Variants in IFNLR1 observed in about 807,000 individuals in gnomAD.
IFNLR1 encodes the protein CRF2-12.
Under a neutral mutation model 52.5 loss-of-function variants are expected in IFNLR1, and 28 were observed. The observed-to-expected ratio is 0.53, with a 90% CI of 0.40 to 0.73. The LOEUF is 0.73. Ranked by LOEUF, IFNLR1 falls within the 30% of genes least tolerant of loss-of-function variation. The pLI is 0.00. For synonymous variants in IFNLR1, 276 were observed against 274.9 expected, an observed-to-expected ratio of 1.00 and a Z score of -0.04; for missense variants, 623 against 659.1, an observed-to-expected ratio of 0.95 and a Z score of 0.60.
rs368777970 is a variant in IFNLR1 at position 24,161,584 on chromosome 1, C to T, written c.468G>A (p.Leu156=). The T allele has an allele frequency of 1.5e-5, 23 of 1,555,814 alleles. No homozygotes were observed. The African/African-American group carries it at 3.1e-4, about 21-fold the overall frequency. ...QLPPCMPPLD[L]KYEVAFWKEG... is the part of the protein sequence containing the mutation. Reference sequence around the variant, plus strand: ...CCTTCCAGAATGCCACCTCATACTTCAGATCCAGTGGGGGCATGCAGGGGG... The same window carrying T: ...CCTTCCAGAATGCCACCTCATACTTTAGATCCAGTGGGGGCATGCAGGGGG... The change falls in exon 4 of 7, where the codon CTG becomes CTA. Residue 156 remains leucine (L), a synonymous_variant. Coordinates refer to ENST00000327535, the MANE Select transcript of IFNLR1 (RefSeq NM_170743.4).
In IFNLR1 at chr1:24,157,754, G is replaced by C; in HGVS notation, c.939C>G (p.Thr313=). 6.2e-7 allele frequency: 1 copy of C among 1,614,150 alleles called. No homozygotes were observed. The part of the protein sequence containing the change: ...RPTPRVRAPA[T]QQTRWKKDLA... ...GGTCCTTCTTCCATCTTGTCTGTTG[G>C]GTGGCTGGGGCCCTGACTCGAGGCG... Residue 313 remains threonine (T), a synonymous_variant, in exon 7 of 7, where the codon ACC becomes ACG. Transcript: ENST00000327535. This position sits in a 1 kb window ranked among gnomAD's most constrained non-coding sequence, Gnocchi z 5.1.
rs776235347 is a variant in IFNLR1 at position 24,155,676 on chromosome 1, G to A, written c.*1454C>T. Reference sequence around the variant, plus strand: ...TTTTCCAGTTCTGCCATTTAATGCTGTACCCTTGTGGTGGCTTTAAAGCAA... The same window carrying A: ...TTTTCCAGTTCTGCCATTTAATGCTATACCCTTGTGGTGGCTTTAAAGCAA... On this transcript the variant is annotated 3_prime_UTR_variant, in exon 7 of 7. Coordinates refer to ENST00000327535, the MANE Select transcript of IFNLR1 (RefSeq NM_170743.4). 1 of 152,214 alleles carries A rather than the reference G, an allele frequency of 6.6e-6. No homozygotes were observed. Among genetic ancestry groups the A allele is most frequent in the African/African-American group, 2.4e-5 (1 of 41,446 alleles). The allele number at this position is 152,214 out of a possible 1,614,324, so 9.4% of individuals were successfully genotyped here.
rs1402374027 is a variant in IFNLR1 at position 24,156,361 on chromosome 1, A to T, written c.*769T>A. ...GAGAATTCTACCGGCCACCACGTAG[A>T]GAGCACCCAGGACACAGCAGGCTCC... On this transcript the variant is annotated 3_prime_UTR_variant, in exon 7 of 7. Coordinates refer to ENST00000327535, the MANE Select transcript of IFNLR1 (RefSeq NM_170743.4). 1 of 152,414 alleles carries T rather than the reference A, an allele frequency of 6.6e-6. No individual in the cohort carries two copies. 9.4% of individuals were successfully genotyped at this position (152,414 alleles called of 1,614,324 possible). A position where few individuals can be genotyped will look rare whatever the true frequency, so the allele number is the denominator to read the frequency against.
chr1:24,161,425 T>C (rs1644441577), intron 4 of IFNLR1, 117 bp downstream of exon 4: 2 of 1,183,696 alleles, frequency 1.7e-6, no homozygotes, highest in East Asian at 5.1e-5. Flanking sequence ...GTCAGGAGTG[T>C]ACAGGGAAGA....
rs869032994 is a variant in IFNLR1, at chr1:24,162,724, T to TTTTC, written c.368-1044_368-1041dup. On this transcript the variant is annotated intron_variant, in intron 3 of 6. Transcript: ENST00000327535. The stretch of plus-strand genomic sequence containing the variant: ...TTCTTTTCTTTTCTTTCTTTCTTTC[T>TTTTC]TTTCTTTCTTTCTTTCTTTCTTTCT... 3.0e-3 allele frequency among the ~76,000 whole-genome samples: 97 copies of TTTTC among 32,490 alleles called. 3 individuals are homozygous for TTTTC. Among genetic ancestry groups the TTTTC allele is most frequent in the Middle Eastern group, 0.024 (2 of 82 alleles). The allele number at this position is 32,490 out of a possible 152,430, so 21.3% of individuals were successfully genotyped here.
chr1:24,158,024 C>A, intron 6 of IFNLR1, 133 bp from the exon 7 acceptor site: 1 of 796,802 alleles, frequency 1.3e-6, no homozygotes. Context: ...GAGATGATCC[C>A]AGAACACACC....
At chr1:24,181,164 T>C (rs1229463855) in intron 1 of IFNLR1, among the ~76,000 whole-genome samples, 2 of 152,056 alleles carry the variant, frequency 1.3e-5, no homozygotes, top group East Asian at 3.9e-4. Flanking sequence ...CTCAGCCACA[T>C]CCCCAGAGCC....
rs781743973 is a variant in IFNLR1 at position 24,157,101 on chromosome 1, T to G, written c.*29A>C. On this transcript the variant is annotated 3_prime_UTR_variant, in exon 7 of 7. Coordinates refer to ENST00000327535, the MANE Select transcript of IFNLR1 (RefSeq NM_170743.4). This position sits in a 1 kb window ranked among gnomAD's most constrained non-coding sequence, Gnocchi z 5.1. Reference sequence around the variant, plus strand: ...AGTCCTTGCAAAGGCAGCAGCAGCATCAGATTCGGTGGGATGTCGGGGGAC... The same window carrying G: ...AGTCCTTGCAAAGGCAGCAGCAGCAGCAGATTCGGTGGGATGTCGGGGGAC... The G allele has an allele frequency of 1.1e-5, 17 of 1,576,170 alleles. No individual in the cohort carries two copies. Among genetic ancestry groups the G allele is most frequent in the Middle Eastern group, 4.6e-4 (2 of 4,362 alleles).
intron 3 of IFNLR1, among the ~76,000 whole-genome samples, chr1:24,164,760 T>C (rs943610279): frequency 4.3e-5 from 3 of 70,140 alleles, no homozygotes; most frequent in African/African-American, 1.9e-4. Flanking sequence ...GAGCAATCTC[T>C]TTTTTTTTTT....
chr1:24,186,391 G>C (rs11249021), intron 1 of IFNLR1, among the ~76,000 whole-genome samples: 1 of 151,852 alleles, frequency 6.6e-6, no homozygotes, highest in African/African-American at 2.4e-5. Context: ...ATCTACCTCC[G>C]AGGATGGCTG....
intron 1 of IFNLR1, among the ~76,000 whole-genome samples, chr1:24,184,579 T>C (rs757144624): frequency 6.6e-6 from 1 of 152,222 alleles, no homozygotes; most frequent in African/African-American, 2.4e-5. Context: ...TGCATTCTTC[T>C]GGATGTTTTT....
chr1:24,157,794 C>G lies in IFNLR1; in HGVS notation c.899G>C (p.Arg300Thr). ...LFLCPQKELT[R>T]GVRPTPRVRA... Reference sequence around the variant, plus strand: ...GACTCGAGGCGTCGGCCTGACCCCTCTGGTCAGTTCCTTTTGGGGACAGAG... The same window carrying G: ...GACTCGAGGCGTCGGCCTGACCCCTGTGGTCAGTTCCTTTTGGGGACAGAG... Residue 300 changes from arginine to threonine, a missense_variant, in exon 7 of 7, where the codon AGA becomes ACA. Coordinates refer to ENST00000327535, the MANE Select transcript of IFNLR1 (RefSeq NM_170743.4). This position sits in a 1 kb window ranked among gnomAD's most constrained non-coding sequence, Gnocchi z 5.1. The G allele has an allele frequency of 6.2e-7, 1 of 1,614,180 alleles. No homozygotes were observed. The highest frequency in any genetic ancestry group is 1.3e-5 in the African/African-American group (1 of 75,050).
chr1:24,185,851 A>G (rs1209145797), intron 1 of IFNLR1, among the ~76,000 whole-genome samples: 1 of 152,120 alleles, frequency 6.6e-6, no homozygotes, highest in African/African-American at 2.4e-5. Context: ...GTAAAACCTC[A>G]ATCACCCTTG....
intron 1 of IFNLR1, among the ~76,000 whole-genome samples, chr1:24,182,929 A>G (rs1424113410): frequency 6.6e-6 from 1 of 151,566 alleles, no homozygotes; most frequent in African/African-American, 2.4e-5. Flanking sequence ...AAATAAATAA[A>G]TAAATAAATA....
chr1:24,184,394 C>A (rs1038334488), intron 1 of IFNLR1, among the ~76,000 whole-genome samples: 1 of 152,190 alleles, frequency 6.6e-6, no homozygotes, highest in Non-Finnish European at 1.5e-5. Context: ...CACCACTCCC[C>A]AGTTTCATGC....
chr1:24,158,257 A>G (rs1538632), intron 6 of IFNLR1, among the ~76,000 whole-genome samples: 38,431 of 152,184 alleles, frequency 0.25, 5,134 homozygotes, highest in East Asian at 0.51. Flanking sequence ...TGCAGGGGCA[A>G]TGTGGGCTCC....
At chr1:24,160,826 C>T (rs997071664) in intron 4 of IFNLR1, among the ~76,000 whole-genome samples, 2 of 151,792 alleles carry the variant, frequency 1.3e-5, no homozygotes, top group African/African-American at 4.8e-5. Flanking sequence ...TTCCTGGGCT[C>T]GAGCGATCCT....
chr1:24,186,693 C>A (rs1274419226), intron 1 of IFNLR1, among the ~76,000 whole-genome samples: 5 of 149,154 alleles, frequency 3.4e-5, no homozygotes, highest in Admixed American at 6.6e-5. Flanking sequence ...AACAACAAAA[C>A]AACAACAAAA....
At chr1:24,183,112 C>G (rs1002288901) in intron 1 of IFNLR1, among the ~76,000 whole-genome samples, 2 of 152,048 alleles carry the variant, frequency 1.3e-5, no homozygotes, top group Non-Finnish European at 2.9e-5. Context: ...TAGATCATAA[C>G]TATGTAAAAA....
Sources: allele counts gnomAD v4.1 joint callset (sites outside exome capture counted in the v4.1 genomes callset), GRCh38; gene constraint gnomAD v4.1.1; non-coding constraint Gnocchi (gnomAD v3.1); transcripts MANE v1.5; gene names NCBI Gene and HGNC (gene_info 2026-07-23, HGNC 2026-07-21).